CPEB3: variants seen among roughly 807,000 people sequenced by gnomAD.
The protein encoded by CPEB3 is cytoplasmic polyadenylation element binding protein 3.
Under a neutral mutation model 67.2 loss-of-function variants are expected in CPEB3, and 20 were observed. That is an observed-to-expected ratio of 0.30 (90% CI 0.21 to 0.43). CPEB3 has a LOEUF of 0.43. CPEB3 is among the 20% of genes least tolerant of loss of function. The pLI is 1.00. For missense variants in CPEB3, 746 were observed against 968.6 expected, an observed-to-expected ratio of 0.77 and a Z score of 3.05; for synonymous variants, 376 against 393.1, an observed-to-expected ratio of 0.96 and a Z score of 0.51.
intron 1 of CPEB3, among the ~76,000 whole-genome samples, chr10:92,245,505 C>T (rs1269067842): frequency 1.3e-5 from 2 of 152,106 alleles, no homozygotes; most frequent in African/African-American, 2.4e-5. Context: ...TTGAATGAAT[C>T]CACCAAAAGA....
At chr10:92,088,003 G>A (rs1447290675) in intron 8 of CPEB3, among the ~76,000 whole-genome samples, 1 of 152,112 alleles carries the variant, frequency 6.6e-6, no homozygotes, top group Non-Finnish European at 1.5e-5. Context: ...AAGAAAACAA[G>A]ATCTGATAAA....
chr10:92,253,463 CAAAAAAAAAAA>C (rs370091703), intron 1 of CPEB3, among the ~76,000 whole-genome samples: 18 of 76,836 alleles, frequency 2.3e-4, no homozygotes, highest in East Asian at 8.2e-4. Flanking sequence ...TGTCTCAAAA[CAAAAAAAAAAA>C]AAAAAAAAAA....
chr10:92,115,949 C>A (rs1845002068), intron 6 of CPEB3, among the ~76,000 whole-genome samples: 1 of 152,002 alleles, frequency 6.6e-6, no homozygotes, highest in African/African-American at 2.4e-5. Context: ...CCTGTGATAA[C>A]AGAGCCATTT....
intron 1 of CPEB3, among the ~76,000 whole-genome samples, chr10:92,240,961 GA>G (rs1267840089): frequency 6.6e-6 from 1 of 152,124 alleles, no homozygotes. Flanking sequence ...CACGAGGGAG[GA>G]ATCCTTGGCA....
At chr10:92,081,801 C>T (rs1275871724) in intron 8 of CPEB3, among the ~76,000 whole-genome samples, 4 of 152,192 alleles carry the variant, frequency 2.6e-5, no homozygotes, top group African/African-American at 9.7e-5. Context: ...GTTCTAATTT[C>T]TAATTGCTTA....
At chr10:92,160,633 C>T (rs866763512) in intron 4 of CPEB3, among the ~76,000 whole-genome samples, 1 of 152,154 alleles carries the variant, frequency 6.6e-6, no homozygotes, top group Admixed American at 6.5e-5. Flanking sequence ...ACAACAAATT[C>T]ATTTTTTTCC....
At chr10:92,145,202 A>T in intron 4 of CPEB3, 117 bp from the exon 5 acceptor site, 1 of 1,178,490 alleles carries the variant, frequency 8.5e-7, no homozygotes, top group Non-Finnish European at 1.2e-6. Context: ...AGAGAAGCAT[A>T]CAAAAAAAAA....
At chr10:92,162,584 T>G (rs1320357556) in intron 4 of CPEB3, among the ~76,000 whole-genome samples, 1 of 152,108 alleles carries the variant, frequency 6.6e-6, no homozygotes, top group Non-Finnish European at 1.5e-5. Flanking sequence ...TTCCAATCCA[T>G]CAGAATAAAA....
intron 1 of CPEB3, among the ~76,000 whole-genome samples, chr10:92,282,843 C>T (rs1262378205): frequency 6.6e-6 from 1 of 152,140 alleles, no homozygotes; most frequent in Admixed American, 6.6e-5. Flanking sequence ...AACTAATAGC[C>T]ATGTTAAAGC....
chr10:92,274,057 T>C (rs545665665), intron 1 of CPEB3, among the ~76,000 whole-genome samples: 1 of 152,214 alleles, frequency 6.6e-6, no homozygotes, highest in Non-Finnish European at 1.5e-5. Flanking sequence ...CATACTCTTA[T>C]ACTTTCTGAC....
intron 3 of CPEB3, among the ~76,000 whole-genome samples, chr10:92,184,539 A>T (rs2134112653): frequency 6.6e-6 from 1 of 152,172 alleles, no homozygotes; most frequent in Middle Eastern, 3.4e-3. Flanking sequence ...TGGGAGGTGG[A>T]GGTTGCAGTG....
chr10:92,059,490 T>C (rs1842255908), intron 9 of CPEB3, among the ~76,000 whole-genome samples: 1 of 151,634 alleles, frequency 6.6e-6, no homozygotes, highest in Admixed American at 6.6e-5. Context: ...AAAGCAGTAC[T>C]AAGAGGAAAG....
chr10:92,047,555 AG>A lies in CPEB3; in HGVS notation c.*4656del, dbSNP rs1275447423. On this transcript the variant is annotated 3_prime_UTR_variant, in exon 10 of 10. Transcript: ENST00000265997. ...TGCATTAGCCCATGCCTCACTAACA[AG>A]CTATAAAACACAAGATATAGGCAGA... 6.6e-6 allele frequency: 1 copy of A among 152,256 alleles called. No homozygotes were observed. Among genetic ancestry groups the A allele is most frequent in the East Asian group, 1.9e-4 (1 of 5,204 alleles). 9.4% of individuals were successfully genotyped at this position (152,256 alleles called of 1,614,324 possible).
At chr10:92,119,103 A>AG (rs1845196627) in intron 6 of CPEB3, 1 of 1,585,384 alleles carries the variant, frequency 6.3e-7, no homozygotes, top group African/African-American at 1.3e-5. Context: ...CAGCTATACC[A>AG]GTCTGGAGTG....
At chr10:92,111,849 A>AAC (rs991315369) in intron 6 of CPEB3, among the ~76,000 whole-genome samples, 6 of 152,076 alleles carry the variant, frequency 3.9e-5, no homozygotes, top group African/African-American at 1.2e-4. Context: ...TTGACACACA[A>AAC]ACACACACAC....
chr10:92,260,669 C>A (rs1377260574), intron 1 of CPEB3, among the ~76,000 whole-genome samples: 1 of 152,116 alleles, frequency 6.6e-6, no homozygotes, highest in South Asian at 2.1e-4. Flanking sequence ...CAATAGTGCA[C>A]CATCTCAGCT....
At chr10:92,193,976 T>C (rs1203533447) in intron 2 of CPEB3, among the ~76,000 whole-genome samples, 1 of 151,544 alleles carries the variant, frequency 6.6e-6, no homozygotes, top group Admixed American at 6.6e-5. Flanking sequence ...TTTTGTATTT[T>C]TAGTAGAAAT....
At chr10:92,100,567 C>A (rs1013053058) in intron 7 of CPEB3, among the ~76,000 whole-genome samples, 1 of 151,740 alleles carries the variant, frequency 6.6e-6, no homozygotes, top group Non-Finnish European at 1.5e-5. Context: ...TGAGCCACCA[C>A]GCCCAGCCAA....
At chr10:92,125,129 T>C (rs965554932) in intron 6 of CPEB3, among the ~76,000 whole-genome samples, 2 of 152,198 alleles carry the variant, frequency 1.3e-5, no homozygotes, top group African/African-American at 4.8e-5. Context: ...GAAATAGCCA[T>C]CCAGGAATAC....
Sources: allele counts gnomAD v4.1 joint callset (sites outside exome capture counted in the v4.1 genomes callset), GRCh38; gene constraint gnomAD v4.1.1; transcripts MANE v1.5; gene names NCBI Gene and HGNC (gene_info 2026-07-23, HGNC 2026-07-21).